Variants in RGS7 observed in about 807,000 individuals in gnomAD.
The protein encoded by RGS7 is regulator of G-protein signaling 7.
Under a neutral mutation model 81.1 loss-of-function variants are expected in RGS7, and 27 were observed. That is an observed-to-expected ratio of 0.33 (90% confidence interval 0.25 to 0.46). The LOEUF (loss-of-function observed/expected upper bound fraction) is 0.46. Among genes scored for constraint, RGS7 ranks in the 20% least tolerant of loss-of-function variants. The pLI is 1.00. For missense variants in RGS7, 396 were observed against 607.4 expected (o/e 0.65, Z 3.66); for synonymous variants, 208 against 207.7 (o/e 1.00, Z -0.01).
intron 14 of RGS7, among the ~76,000 whole-genome samples, chr1:240,811,133 C>T (rs986593351): frequency 6.6e-6 from 1 of 152,150 alleles, no homozygotes; most frequent in African/African-American, 2.4e-5. Flanking sequence ...ATGAATTTTA[C>T]AGGACTGCAT....
chr1:240,949,873 C>T (rs112498903), intron 4 of RGS7, among the ~76,000 whole-genome samples: 4,276 of 123,114 alleles, frequency 0.035, 223 homozygotes, highest in African/African-American at 0.12. Flanking sequence ...AAAAAGCCAA[C>T]GATGACTTCT....
chr1:240,921,457 G>A (rs1012921839), intron 6 of RGS7, among the ~76,000 whole-genome samples: 1 of 152,010 alleles, frequency 6.6e-6, no homozygotes, highest in Non-Finnish European at 1.5e-5. Context: ...AAGAAAAAAA[G>A]GGTATATAGT....
At chr1:240,793,099 G>T (rs1686293163) in intron 18 of RGS7, among the ~76,000 whole-genome samples, 1 of 152,152 alleles carries the variant, frequency 6.6e-6, no homozygotes, top group Admixed American at 6.5e-5. Flanking sequence ...ATATGTAGCA[G>T]CAGGGGTGAC....
At chr1:241,048,413 C>T (rs1268029094) in intron 3 of RGS7, among the ~76,000 whole-genome samples, 2 of 152,150 alleles carry the variant, frequency 1.3e-5, no homozygotes, top group East Asian at 3.9e-4. Flanking sequence ...TCCCCCACCC[C>T]TAACCTTTAG....
chr1:240,804,417 A>T (rs1433734066), intron 15 of RGS7, among the ~76,000 whole-genome samples: 4 of 152,098 alleles, frequency 2.6e-5, no homozygotes, highest in Non-Finnish European at 2.9e-5. Context: ...CTGAAATCAG[A>T]ACCCAGGCAA....
At chr1:241,273,574 T>A (rs1015752945) in intron 2 of RGS7, among the ~76,000 whole-genome samples, 7 of 152,190 alleles carry the variant, frequency 4.6e-5, no homozygotes, top group African/African-American at 1.7e-4. Flanking sequence ...TCTCTTAGCA[T>A]TACTGTCTGA....
chr1:241,028,550 G>C (rs1320234652), intron 3 of RGS7, among the ~76,000 whole-genome samples: 2 of 152,096 alleles, frequency 1.3e-5, no homozygotes, highest in African/African-American at 2.4e-5. Flanking sequence ...GGTGAAACAG[G>C]GAGGAGGAGA....
intron 6 of RGS7, among the ~76,000 whole-genome samples, chr1:240,881,891 T>C (rs894591818): frequency 1.3e-5 from 2 of 151,878 alleles, no homozygotes; most frequent in Non-Finnish European, 2.9e-5. Flanking sequence ...AGGTGTACTA[T>C]GAACGTTGAA....
chr1:241,040,434 G>A (rs1214012354), intron 3 of RGS7, among the ~76,000 whole-genome samples: 1 of 151,990 alleles, frequency 6.6e-6, no homozygotes, highest in African/African-American at 2.4e-5. Context: ...CTTGACATGT[G>A]TAGATGATTA....
At chr1:240,928,897 C>T (rs1674937707) in intron 6 of RGS7, among the ~76,000 whole-genome samples, 1 of 152,164 alleles carries the variant, frequency 6.6e-6, no homozygotes, top group Non-Finnish European at 1.5e-5. Context: ...AGGCGTGAAC[C>T]ACTGTGCCCG....
intron 3 of RGS7, among the ~76,000 whole-genome samples, chr1:241,042,400 T>C (rs2060672597): frequency 6.6e-6 from 1 of 152,216 alleles, no homozygotes. Context: ...TTTATTTTGA[T>C]TTATGTTTTT....
chr1:240,795,965 T>A (rs879371465), intron 18 of RGS7, among the ~76,000 whole-genome samples: 14 of 152,190 alleles, frequency 9.2e-5, no homozygotes, highest in African/African-American at 3.1e-4. Context: ...TATTATTATT[T>A]TTGCAGAGAC....
intron 6 of RGS7, among the ~76,000 whole-genome samples, chr1:240,884,889 C>T (rs115193389): frequency 0.018 from 2,709 of 152,192 alleles, 40 homozygotes; most frequent in Middle Eastern, 0.034. Flanking sequence ...GCAACAAAAG[C>T]GAAAATTGAC....
intron 2 of RGS7, among the ~76,000 whole-genome samples, chr1:241,234,616 G>A (rs1024825753): frequency 6.6e-6 from 1 of 152,044 alleles, no homozygotes; most frequent in African/African-American, 2.4e-5. Context: ...AATAGGAGGG[G>A]AGCCTGGGTC....
In RGS7 at chr1:241,094,343, A is replaced by G. The variant is rs934075962; in HGVS notation, c.175+4323T>C. Among the ~76,000 whole-genome samples, 3 of 152,064 alleles carry G rather than the reference A, an allele frequency of 2.0e-5. No individual in the cohort carries two copies. The South Asian group carries it at 6.2e-4, about 32-fold the overall frequency. ...CAGAAGCCCAGGGGAGAGAGCTGTT[A>G]GTCAAATTCTATAATGTACATACAC... On this transcript the variant is annotated intron_variant, in intron 3 of 18. Coordinates refer to ENST00000440928, the MANE Select transcript of RGS7 (RefSeq NM_001364886.1).
chr1:241,221,113 AAGGG>A (rs1051324807), intron 2 of RGS7, among the ~76,000 whole-genome samples: 1 of 142,450 alleles, frequency 7.0e-6, no homozygotes, highest in South Asian at 2.4e-4. Context: ...GGAAGGAAGG[AAGGG>A]AGGGAAAGAA....
intron 3 of RGS7, among the ~76,000 whole-genome samples, chr1:241,098,160 T>G (rs1415274136): frequency 1.3e-5 from 2 of 152,206 alleles, no homozygotes; most frequent in Non-Finnish European, 2.9e-5. Flanking sequence ...TTGGCTAGCT[T>G]TCACAGACCC....
chr1:240,939,757 G>T (rs1016421034), intron 4 of RGS7, among the ~76,000 whole-genome samples: 1 of 152,030 alleles, frequency 6.6e-6, no homozygotes, highest in Non-Finnish European at 1.5e-5. Context: ...CCAGAGACTG[G>T]GAGTTGGGGG....
intron 3 of RGS7, among the ~76,000 whole-genome samples, chr1:240,991,094 A>G (rs1237558280): frequency 6.6e-6 from 1 of 152,200 alleles, no homozygotes; most frequent in Non-Finnish European, 1.5e-5. Context: ...TAGGAAAAGT[A>G]AAAATATATT....
Sources: allele counts gnomAD v4.1 joint callset (sites outside exome capture counted in the v4.1 genomes callset), GRCh38; gene constraint gnomAD v4.1.1; transcripts MANE v1.5; gene names NCBI Gene and HGNC (gene_info 2026-07-23, HGNC 2026-07-21).